The following LRP1B variants were observed in gnomAD, a reference collection of about 807,000 sequenced individuals.
The protein encoded by LRP1B is LDL receptor related protein 1B.
LRP1B carries 217 observed loss-of-function variants against 556.6 expected under a neutral mutation model. The ratio of observed to expected loss-of-function variants is 0.39; its 90% CI spans 0.35 to 0.44. LRP1B has a LOEUF of 0.44. Ranked by LOEUF, LRP1B falls within the 20% of genes least tolerant of loss-of-function variation. LRP1B has a pLI of 1.00. For missense variants in LRP1B, 5,053 were observed against 5,620.8 expected (o/e 0.90, Z 3.23); for synonymous variants, 2,047 against 1,865.8 (o/e 1.10, Z -2.50).
At chr2:141,321,497 A>C (rs186276070) in intron 3 of LRP1B, among the ~76,000 whole-genome samples, 177 of 152,228 alleles carry the variant, frequency 1.2e-3, no homozygotes, top group African/African-American at 4.1e-3. Context: ...CAGTATGAAA[A>C]ATAGTTAATT....
intron 2 of LRP1B, among the ~76,000 whole-genome samples, chr2:141,802,795 C>A (rs1024041037): frequency 2.0e-5 from 3 of 152,084 alleles, no homozygotes; most frequent in African/African-American, 7.2e-5. Context: ...TGTGCTCACA[C>A]ATGAAAGGTA....
chr2:141,545,704 AG>A, intron 2 of LRP1B, among the ~76,000 whole-genome samples: 1 of 152,146 alleles, frequency 6.6e-6, no homozygotes, highest in Admixed American at 6.6e-5. Context: ...TAATAAATAA[AG>A]TGAAGAACCT....
chr2:141,059,151 C>A (rs1699269367), intron 8 of LRP1B, 97 bp from the exon 9 acceptor site: 4 of 760,290 alleles, frequency 5.3e-6, no homozygotes, highest in Non-Finnish European at 8.0e-6. Flanking sequence ...AAAATGGCCA[C>A]AGCAGAAGAA....
At chr2:141,704,907 A>T (rs1161490578) in intron 2 of LRP1B, among the ~76,000 whole-genome samples, 1 of 151,982 alleles carries the variant, frequency 6.6e-6, no homozygotes, top group East Asian at 1.9e-4. Flanking sequence ...TTCAAACTCA[A>T]AGGACATAAA....
chr2:140,320,262 TATTCATCA>T lies in LRP1B; in HGVS notation c.12640+1693_12640+1700del, dbSNP rs533710921. Among the ~76,000 whole-genome samples, 401 of 152,270 alleles carry T rather than the reference TATTCATCA, an allele frequency of 2.6e-3. 1 individual carries two copies. The highest frequency in any genetic ancestry group is 9.5e-3 in the African/African-American group (393 of 41,570). On this transcript the variant is annotated intron_variant, in intron 82 of 90. Transcript: ENST00000389484. ...AACATCTATTTATTGGTGCTTATCT[TATTCATCA>T]ATTCATCTTTTCAAACGCTTCGGCT...
rs66893232 is a variant in LRP1B at position 140,761,973 on chromosome 2, TATGATG to T, written c.5758+7234_5758+7239del. Among the ~76,000 whole-genome samples the T allele has an allele frequency of 8.3e-3, 1,244 of 150,276 alleles. 22 individuals carry two copies. Among genetic ancestry groups the T allele is most frequent in the African/African-American group, 0.028 (1,162 of 40,872 alleles). ...CTATGACAATCATAATGATGATAACTATGATGATGATGATGATGATGATGATGATGA... is the reference window on the plus strand; with the variant it reads ...CTATGACAATCATAATGATGATAACTATGATGATGATGATGATGATGATGA... On this transcript the variant is annotated intron_variant, in intron 35 of 90. Coordinates refer to ENST00000389484, the MANE Select transcript of LRP1B (RefSeq NM_018557.3).
Position 140,370,705 on chromosome 2 carries a change from C to G in LRP1B, c.11008+5G>C. 1.2e-6 allele frequency: 2 copies of G among 1,612,092 alleles called. No individual in the cohort carries two copies. Among genetic ancestry groups the G allele is most frequent in the Non-Finnish European group, 1.7e-6 (2 of 1,178,730 alleles). ...TACAGGCACACACACACAAAAATACCTTACCTCTTTCACAGTTCTCTTCAT... is the reference window on the plus strand; with the variant it reads ...TACAGGCACACACACACAAAAATACGTTACCTCTTTCACAGTTCTCTTCAT... On this transcript the variant is annotated splice_donor_5th_base_variant and intron_variant, in intron 71 of 90. Transcript: ENST00000389484.
At chr2:140,761,764 C>T (rs1293436043) in intron 35 of LRP1B, among the ~76,000 whole-genome samples, 1 of 152,100 alleles carries the variant, frequency 6.6e-6, no homozygotes, top group Admixed American at 6.6e-5. Context: ...CTGTGCAACA[C>T]TTTGATTGCA....
At chr2:141,841,868 GAT>G (rs1697488634) in intron 1 of LRP1B, among the ~76,000 whole-genome samples, 1 of 152,038 alleles carries the variant, frequency 6.6e-6, no homozygotes, top group Non-Finnish European at 1.5e-5. Flanking sequence ...CAATAATAAA[GAT>G]ATGTTTGTGA....
intron 1 of LRP1B, among the ~76,000 whole-genome samples, chr2:142,117,735 T>C (rs1159278417): frequency 6.6e-6 from 1 of 152,088 alleles, no homozygotes; most frequent in African/African-American, 2.4e-5. Flanking sequence ...TCCCAGCCAG[T>C]CTTAAAGGCC....
At chr2:141,875,010 C>T (rs1574453078) in intron 1 of LRP1B, among the ~76,000 whole-genome samples, 1 of 151,802 alleles carries the variant, frequency 6.6e-6, no homozygotes, top group East Asian at 1.9e-4. Context: ...CAAATGTAAG[C>T]ATCAAATATT....
intron 77 of LRP1B, among the ~76,000 whole-genome samples, chr2:140,337,172 A>G (rs1681144720): frequency 6.6e-6 from 1 of 152,004 alleles, no homozygotes; most frequent in South Asian, 2.1e-4. Flanking sequence ...CTGGGATCTC[A>G]AGGAAAATAC....
intron 1 of LRP1B, among the ~76,000 whole-genome samples, chr2:141,955,374 G>A (rs1266690191): frequency 6.6e-6 from 1 of 152,040 alleles, no homozygotes; most frequent in Admixed American, 6.6e-5. Context: ...TCTGCATCTT[G>A]CTTGCTTTTC....
At chr2:141,508,086 C>CCG (rs916593796) in intron 2 of LRP1B, among the ~76,000 whole-genome samples, 89 of 30,220 alleles carry the variant, frequency 2.9e-3, no homozygotes, top group Non-Finnish European at 3.9e-3. Context: ...ACTCCATCCC[C>CCG]CCCCCAAAAA....
At chr2:141,473,169 A>C (rs115739849) in intron 3 of LRP1B, among the ~76,000 whole-genome samples, 66,680 of 151,832 alleles carry the variant, frequency 0.44, 14,921 homozygotes, top group Non-Finnish European at 0.49. Flanking sequence ...ATGTCTGCAA[A>C]AAAAGCATAT....
At chr2:141,662,984 A>C (rs1485839981) in intron 2 of LRP1B, among the ~76,000 whole-genome samples, 1 of 151,708 alleles carries the variant, frequency 6.6e-6, no homozygotes, top group Non-Finnish European at 1.5e-5. Context: ...AAATAATAAC[A>C]GTCTCTTAGA....
At chr2:140,809,117 G>A (rs759154448) in intron 32 of LRP1B, among the ~76,000 whole-genome samples, 2 of 152,150 alleles carry the variant, frequency 1.3e-5, no homozygotes, top group East Asian at 3.9e-4. Context: ...CTGTGCTGAA[G>A]CAACAACAGA....
chr2:141,729,554 T>C (rs1693189933), intron 2 of LRP1B, among the ~76,000 whole-genome samples: 1 of 152,094 alleles, frequency 6.6e-6, no homozygotes, highest in Non-Finnish European at 1.5e-5. Flanking sequence ...TGCTACATAT[T>C]GGCTAACAAT....
At chr2:140,713,920 T>C (rs1301054156) in intron 37 of LRP1B, among the ~76,000 whole-genome samples, 2 of 152,134 alleles carry the variant, frequency 1.3e-5, no homozygotes, top group Admixed American at 1.3e-4. Context: ...TCTAATTATA[T>C]GGTATGATTT....
Sources: gnomAD v4.1 joint callset for allele counts (sites outside exome capture counted in the v4.1 genomes callset) on GRCh38, gnomAD v4.1.1 for gene constraint, MANE v1.5 for transcripts, NCBI Gene and HGNC (gene_info 2026-07-23, HGNC 2026-07-21) for gene names.